The following SPATS2L variants were observed in gnomAD, a reference collection of about 807,000 sequenced individuals.
SPATS2L encodes the protein spermatogenesis associated serine rich 2 like, also known as SPATS2-like protein.
SPATS2L carries 30 observed loss-of-function variants against 59.6 expected under a neutral mutation model. The ratio of observed to expected loss-of-function variants is 0.50; its 90% CI spans 0.38 to 0.68. SPATS2L has a LOEUF of 0.68. Among genes scored for constraint, SPATS2L ranks in the 30% least tolerant of loss-of-function variants. The pLI is 0.00. For synonymous variants in SPATS2L, 252 were observed against 263.5 expected, an observed-to-expected ratio of 0.96 and a Z score of 0.42; for missense variants, 615 against 700.0, an observed-to-expected ratio of 0.88 and a Z score of 1.37.
intron 2 of SPATS2L, chr2:200,351,062 C>A (rs1248198650): frequency 2.9e-6 from 1 of 346,484 alleles, no homozygotes; most frequent in African/African-American, 2.1e-5. Context: ...TGTGTTATCA[C>A]CAAAAGTTAA....
intron 4 of SPATS2L, among the ~76,000 whole-genome samples, chr2:200,414,603 C>T (rs1192183021): frequency 6.6e-6 from 1 of 151,868 alleles, no homozygotes; most frequent in African/African-American, 2.4e-5. Context: ...GCACTCCAGC[C>T]TGGGCAACAG....
chr2:200,327,969 A>G (rs2079812798), intron 1 of SPATS2L, among the ~76,000 whole-genome samples: 1 of 152,226 alleles, frequency 6.6e-6, no homozygotes, highest in Admixed American at 6.5e-5. Context: ...AGTTCTTGTC[A>G]CTTCGGTTTG....
At position 200,477,651 on chromosome 2, in the gene SPATS2L, CA is replaced by C; in HGVS notation, c.1300del (p.Arg434AspfsTer13). The C allele has an allele frequency of 6.5e-7, 1 of 1,548,468 alleles. No homozygotes were observed. Among genetic ancestry groups the C allele is most frequent in the Non-Finnish European group, 8.7e-7 (1 of 1,146,324 alleles). ...TTTTTGGTAGAATGGATCTTCTAAC[CA>C]AAGACGGAGATTTAATCCACAGTAT... ...PANKQNGSSN[Q>X]RRRFNPQYHN... On this transcript the variant is annotated frameshift_variant, in exon 13 of 13. Transcript: ENST00000409140. LOFTEE classifies it high-confidence loss of function.
intron 2 of SPATS2L, chr2:200,351,093 T>A (rs2080713328): frequency 7.9e-6 from 3 of 379,164 alleles, no homozygotes; most frequent in Non-Finnish European, 1.6e-5. Context: ...TGGTTCACAA[T>A]CATGTTTATG....
intron 8 of SPATS2L, among the ~76,000 whole-genome samples, chr2:200,446,845 G>T (rs2085081349): frequency 6.6e-6 from 1 of 152,178 alleles, no homozygotes; most frequent in Non-Finnish European, 1.5e-5. Context: ...TAACAGTGCA[G>T]CAGGAAATAT....
At chr2:200,395,537 T>C (rs1445715522) in intron 3 of SPATS2L, among the ~76,000 whole-genome samples, 2 of 152,182 alleles carry the variant, frequency 1.3e-5, no homozygotes, top group African/African-American at 2.4e-5. Context: ...ACTTAACTTT[T>C]CTGGGCCTCA....
intron 1 of SPATS2L, among the ~76,000 whole-genome samples, chr2:200,318,147 C>G (rs1004744273): frequency 6.6e-6 from 1 of 152,186 alleles, no homozygotes. Flanking sequence ...CTGCCCTGAT[C>G]GACAAGTGTT....
rs146385462 is a variant in SPATS2L at position 200,370,619 on chromosome 2, A to G, written c.-22-18604A>G. On this transcript the variant is annotated intron_variant, in intron 2 of 12. Coordinates refer to ENST00000409140, the MANE Select transcript of SPATS2L (RefSeq NM_001100423.2). ...GACATTTATTGAACTCTTATGTGTC[A>G]AAAACTGTTCTATTATTCTATATAT... 2.0e-5 allele frequency among the ~76,000 whole-genome samples: 3 copies of G among 152,356 alleles called. No homozygotes were observed. In the East Asian group the frequency reaches 5.8e-4, roughly 29 times the overall value.
chr2:200,474,474 A>G (rs1414482665), intron 12 of SPATS2L, among the ~76,000 whole-genome samples: 2 of 151,500 alleles, frequency 1.3e-5, no homozygotes, highest in Non-Finnish European at 2.9e-5. Context: ...GCCTGACTAA[A>G]TTTTTTTGTA....
intron 2 of SPATS2L, among the ~76,000 whole-genome samples, chr2:200,330,596 A>AGCTGAAGAGTTACTATGTAGAT (rs2079907258): frequency 6.6e-6 from 1 of 152,234 alleles, no homozygotes; most frequent in Non-Finnish European, 1.5e-5. Flanking sequence ...TTGGTTAGGC[A>AGCTGAAGAGTTACTATGTAGAT]GCTGAAGAGT....
chr2:200,385,842 G>A (rs1451766101), intron 2 of SPATS2L, among the ~76,000 whole-genome samples: 3 of 152,072 alleles, frequency 2.0e-5, no homozygotes, highest in East Asian at 1.9e-4. Flanking sequence ...ACAGGCGCCC[G>A]CCACCACACC....
intron 2 of SPATS2L, among the ~76,000 whole-genome samples, chr2:200,379,541 T>C (rs1165159777): frequency 6.6e-6 from 1 of 151,962 alleles, no homozygotes; most frequent in African/African-American, 2.4e-5. Context: ...GCTAAAGAGA[T>C]GGGGGAAGGA....
At chr2:200,440,195 C>T (rs908064700) in intron 7 of SPATS2L, among the ~76,000 whole-genome samples, 2 of 152,228 alleles carry the variant, frequency 1.3e-5, no homozygotes, top group East Asian at 1.9e-4. Context: ...CCAGTGCCAG[C>T]GTACCTGGCA....
chr2:200,316,895 C>A (rs2079399520), intron 1 of SPATS2L, among the ~76,000 whole-genome samples: 1 of 152,078 alleles, frequency 6.6e-6, no homozygotes, highest in East Asian at 1.9e-4. Context: ...GGCTCCAGAC[C>A]CCTGAGAGCA....
chr2:200,344,237 C>T (rs1017542910), intron 2 of SPATS2L, among the ~76,000 whole-genome samples: 3 of 152,052 alleles, frequency 2.0e-5, no homozygotes, highest in Non-Finnish European at 4.4e-5. Context: ...CCTCCATACT[C>T]AAGTAGGCCC....
intron 1 of SPATS2L, among the ~76,000 whole-genome samples, chr2:200,316,245 G>A (rs1159757944): frequency 6.6e-6 from 1 of 152,128 alleles, no homozygotes. Context: ...TTCTCTAGTG[G>A]TGGTTTGCCT....
At chr2:200,334,824 G>A (rs984806634) in intron 2 of SPATS2L, among the ~76,000 whole-genome samples, 8 of 152,140 alleles carry the variant, frequency 5.3e-5, no homozygotes, top group Non-Finnish European at 1.0e-4. Flanking sequence ...GATAGTTGTA[G>A]ATATGTGGCA....
intron 8 of SPATS2L, among the ~76,000 whole-genome samples, chr2:200,455,991 A>AAGCCTTACT (rs1298749424): frequency 2.0e-5 from 3 of 152,122 alleles, no homozygotes; most frequent in Non-Finnish European, 4.4e-5. Flanking sequence ...GCTTGATGTA[A>AAGCCTTACT]GGCTGGCTCC....
intron 12 of SPATS2L, among the ~76,000 whole-genome samples, chr2:200,473,693 A>G (rs914977063): frequency 6.6e-6 from 1 of 152,112 alleles, no homozygotes; most frequent in Non-Finnish European, 1.5e-5. Context: ...CCTTATCCTT[A>G]GAGAATTAAC....
Sources: gnomAD v4.1 joint callset for allele counts (sites outside exome capture counted in the v4.1 genomes callset) on GRCh38, gnomAD v4.1.1 for gene constraint, MANE v1.5 for transcripts, NCBI Gene and HGNC (gene_info 2026-07-23, HGNC 2026-07-21) for gene names.